The following NDE1 variants were observed in gnomAD, a reference collection of about 807,000 sequenced individuals.
The protein encoded by NDE1 is nuclear distribution protein nudE homolog 1.
A neutral mutation model predicts 43.4 loss-of-function variants in NDE1; 28 were observed. The observed-to-expected ratio is 0.65, with a 90% confidence interval of 0.48 to 0.89. The LOEUF (loss-of-function observed/expected upper bound fraction) is 0.89, where lower values mean the gene tolerates loss of function less well. NDE1 is among the 40% of genes least tolerant of loss of function. The probability of loss-of-function intolerance (pLI) is 0.00; values close to 1 mark genes in which losing one functional copy is unlikely to be tolerated. For missense variants in NDE1, 441 were observed against 434.1 expected (o/e 1.02, Z -0.14); for synonymous variants, 184 against 172.0 (o/e 1.07, Z -0.55).
At chr16:15,718,252 T>A in intron 8 of NDE1, 7 of 1,602,666 alleles carry the variant, frequency 4.4e-6, no homozygotes, top group Middle Eastern at 1.7e-4. Flanking sequence ...TGTTGACTGG[T>A]GCAGGATCCT....
chr16:15,650,603 C>T (rs867288745), intron 1 of NDE1, among the ~76,000 whole-genome samples: 32 of 152,340 alleles, frequency 2.1e-4, no homozygotes, highest in Middle Eastern at 6.8e-3. Flanking sequence ...GCGTTGGTCT[C>T]TCTCCCACCC....
intron 8 of NDE1, among the ~76,000 whole-genome samples, chr16:15,697,267 T>C (rs777666117): frequency 3.9e-5 from 6 of 152,172 alleles, no homozygotes; most frequent in Non-Finnish European, 8.8e-5. Flanking sequence ...GGTCTCAAAC[T>C]CTGAGCTTCA....
At chr16:15,701,137 T>G (rs2039204059) in intron 8 of NDE1, 1 of 151,444 alleles carries the variant, frequency 6.6e-6, no homozygotes, top group African/African-American at 2.4e-5. Flanking sequence ...CTCCAGATGT[T>G]GAGGCAGGAG....
intron 2 of NDE1, among the ~76,000 whole-genome samples, chr16:15,665,531 ACCTCTGG>A: frequency 6.6e-6 from 1 of 151,454 alleles, no homozygotes; most frequent in Non-Finnish European, 1.5e-5. Flanking sequence ...TGCAGCCTCC[ACCTCTGG>A]GTTGAAGCAA....
chr16:15,678,015 G>C (rs1385764461), intron 4 of NDE1, 66 bp downstream of exon 4: 12 of 1,592,538 alleles, frequency 7.5e-6, no homozygotes, highest in Non-Finnish European at 7.7e-6. Context: ...CCAGCAGCTG[G>C]GTACTGGGCC....
Position 15,675,222 on chromosome 16 carries a change from G to C in NDE1, c.238-2579G>C, listed in dbSNP as rs527637355. ...CTCCCAGTCCCCCACCACTGCCAGA[G>C]AGTTTTGCTCTTGTTGCCCAGGCTG... On this transcript the variant is annotated intron_variant, in intron 3 of 8. Transcript: ENST00000396354. Among the ~76,000 whole-genome samples the C allele has an allele frequency of 4.0e-5, 6 of 151,496 alleles. No homozygotes were observed. In the East Asian group the frequency reaches 1.2e-3, roughly 30 times the overall value.
chr16:15,690,946 T>G (rs768694053), intron 5 of NDE1, among the ~76,000 whole-genome samples, 198 bp from the exon 6 acceptor site: 1 of 152,144 alleles, frequency 6.6e-6, no homozygotes, highest in Non-Finnish European at 1.5e-5. Context: ...TAGCTGAGAT[T>G]ACAGGTGCCT....
intron 1 of NDE1, among the ~76,000 whole-genome samples, chr16:15,644,535 TG>T (rs2036263396): frequency 6.6e-6 from 1 of 152,252 alleles, no homozygotes; most frequent in Admixed American, 6.5e-5. Flanking sequence ...CCCAATACTT[TG>T]AGAGGCTACG....
At position 15,718,305 on chromosome 16, in the gene NDE1, C is replaced by T. The variant is rs368366419; in HGVS notation, c.948-5886C>T. On this transcript the variant is annotated intron_variant, in intron 8 of 8. Coordinates refer to ENST00000396354, the MANE Select transcript of NDE1 (RefSeq NM_017668.3). Reference sequence around the variant, plus strand: ...AGGCAGCGTGACTGTGGTGTCCAGGCGGCCCTCACCTGCTGTGTGGCTTTG... The same window carrying T: ...AGGCAGCGTGACTGTGGTGTCCAGGTGGCCCTCACCTGCTGTGTGGCTTTG... 72 of 1,608,126 alleles carry T rather than the reference C, an allele frequency of 4.5e-5. No homozygotes were observed. Among genetic ancestry groups the T allele is most frequent in the Admixed American group, 4.3e-4 (26 of 60,016 alleles).
intron 8 of NDE1, chr16:15,702,178 G>A (rs1201342674): frequency 2.0e-5 from 3 of 152,216 alleles, no homozygotes; most frequent in African/African-American, 7.2e-5. Context: ...CCATGGAGTT[G>A]GTGGTATACG....
intron 8 of NDE1, chr16:15,718,622 C>T (rs960743238): frequency 1.2e-5 from 11 of 896,370 alleles, no homozygotes; most frequent in Admixed American, 8.4e-5. Context: ...GGACTCAGGC[C>T]GGGTCCGTGT....
In NDE1 at chr16:15,719,289, C is replaced by T. The variant is rs753777214; in HGVS notation, c.948-4902C>T. 2 of 1,612,262 alleles carry T rather than the reference C, an allele frequency of 1.2e-6. No homozygotes were observed. Among genetic ancestry groups the T allele is most frequent in the Non-Finnish European group, 1.7e-6 (2 of 1,180,020 alleles). ...CTCGAGGTCCGCTTGTTTGCGAGCC[C>T]TCTCAGCGGCGGCGAGGTCCTAGGT... On this transcript the variant is annotated intron_variant, in intron 8 of 8. Transcript: ENST00000396354.
chr16:15,678,375 G>T (rs1008406588), intron 4 of NDE1, among the ~76,000 whole-genome samples: 6 of 151,046 alleles, frequency 4.0e-5, no homozygotes, highest in Non-Finnish European at 7.4e-5. Context: ...ACAGTTTTTT[G>T]TTTTTTTTTG....
intron 1 of NDE1, among the ~76,000 whole-genome samples, chr16:15,654,445 CA>C (rs2036653677): frequency 6.6e-6 from 1 of 151,336 alleles, no homozygotes; most frequent in Non-Finnish European, 1.5e-5. Flanking sequence ...CCTAAAAATA[CA>C]AAAAATTAGC....
At chr16:15,679,884 T>G (rs1320521933) in intron 4 of NDE1, among the ~76,000 whole-genome samples, 2 of 152,326 alleles carry the variant, frequency 1.3e-5, no homozygotes, top group South Asian at 4.1e-4. Flanking sequence ...ATTCAAGTGA[T>G]TCTCCTGCCT....
chr16:15,671,681 C>T (rs1016264799), intron 3 of NDE1, among the ~76,000 whole-genome samples: 20 of 152,118 alleles, frequency 1.3e-4, no homozygotes, highest in Admixed American at 1.3e-3. Context: ...GATTATCGTT[C>T]TTTTTGTTGT....
At chr16:15,714,890 C>A in intron 8 of NDE1, 5 of 1,612,754 alleles carry the variant, frequency 3.1e-6, no homozygotes, top group Non-Finnish European at 3.4e-6. Context: ...GGGGTCCTCC[C>A]GGGCCACGGG....
chr16:15,691,480 A>T (rs755587063), intron 6 of NDE1, among the ~76,000 whole-genome samples, 157 bp downstream of exon 6: 2 of 151,744 alleles, frequency 1.3e-5, no homozygotes, highest in Non-Finnish European at 2.9e-5. Flanking sequence ...GTTCTTGGGG[A>T]TGGGCATTGA....
intron 8 of NDE1, among the ~76,000 whole-genome samples, chr16:15,711,486 T>C (rs937329156): frequency 2.6e-5 from 4 of 152,178 alleles, no homozygotes; most frequent in African/African-American, 4.8e-5. Context: ...AACCAGTTGA[T>C]AGAGGTGATG....
Sources: allele counts gnomAD v4.1 joint callset (sites outside exome capture counted in the v4.1 genomes callset), GRCh38; gene constraint gnomAD v4.1.1; transcripts MANE v1.5; gene names NCBI Gene and HGNC (gene_info 2026-07-23, HGNC 2026-07-21).